The following EEPD1 variants were observed in gnomAD, a reference collection of about 807,000 sequenced individuals.
EEPD1 encodes the protein endonuclease/exonuclease/phosphatase family domain-containing protein 1.
A neutral mutation model predicts 46.3 loss-of-function variants in EEPD1; 17 were observed. That is an observed-to-expected ratio of 0.37 (90% CI 0.25 to 0.55). The LOEUF (loss-of-function observed/expected upper bound fraction) is 0.55. Ranked by LOEUF, EEPD1 falls within the 20% of genes least tolerant of loss-of-function variation. EEPD1 has a pLI of 0.83. For missense variants in EEPD1, 673 were observed against 745.6 expected (o/e 0.90, Z 1.13); for synonymous variants, 313 against 315.6 (o/e 0.99, Z 0.09).
chr7:36,192,049 G>A (rs1172967011), intron 2 of EEPD1, among the ~76,000 whole-genome samples: 1 of 152,214 alleles, frequency 6.6e-6, no homozygotes, highest in Non-Finnish European at 1.5e-5. Context: ...AGGTTAAAAT[G>A]TCTCATCTGT....
At chr7:36,280,227 C>A (rs1378763923) in intron 3 of EEPD1, among the ~76,000 whole-genome samples, 1 of 152,096 alleles carries the variant, frequency 6.6e-6, no homozygotes, top group Non-Finnish European at 1.5e-5. Flanking sequence ...GAGCAGCTGG[C>A]GACGGGTACA....
intron 2 of EEPD1, among the ~76,000 whole-genome samples, chr7:36,233,950 G>A (rs1481479697): frequency 3.3e-5 from 5 of 152,146 alleles, no homozygotes; most frequent in Admixed American, 1.3e-4. Context: ...ACAGAGTCTC[G>A]CTCTGTCACC....
intron 3 of EEPD1, among the ~76,000 whole-genome samples, chr7:36,239,811 T>C (rs1364483215): frequency 6.6e-6 from 1 of 152,290 alleles, no homozygotes; most frequent in African/African-American, 2.4e-5. Context: ...TCCCAGCTGA[T>C]ACCAAGCTCT....
chr7:36,237,443 A>C (rs1003368939), intron 2 of EEPD1, among the ~76,000 whole-genome samples: 1 of 152,072 alleles, frequency 6.6e-6, no homozygotes, highest in Non-Finnish European at 1.5e-5. Flanking sequence ...GCCCTCTAGA[A>C]CTTTTTCTTT....
At chr7:36,239,361 T>G in intron 3 of EEPD1, among the ~76,000 whole-genome samples, 1 of 152,072 alleles carries the variant, frequency 6.6e-6, no homozygotes, top group East Asian at 1.9e-4. Context: ...GCCTCACGCA[T>G]GCCGGAGTCT....
At position 36,154,568 on chromosome 7, in the gene EEPD1, T is replaced by C; in HGVS notation, c.244T>C (p.Leu82=). The C allele has an allele frequency of 6.2e-7, 1 of 1,613,930 alleles. No individual in the cohort carries two copies. Among genetic ancestry groups the C allele is most frequent in the Non-Finnish European group, 8.5e-7 (1 of 1,179,954 alleles). Reference sequence around the variant, plus strand: ...CTTCAAGAAGGTGGAGGACCTGGCATTGGTCAGTGGTGTAGGCGCCACCAA... The same window carrying C: ...CTTCAAGAAGGTGGAGGACCTGGCACTGGTCAGTGGTGTAGGCGCCACCAA... ...GGFKKVEDLA[L]VSGVGATKLE... is the part of the protein sequence containing the mutation. Residue 82 remains leucine (L), a synonymous_variant, in exon 2 of 8, where the codon TTG becomes CTG. Transcript: ENST00000242108. This position sits in a 1 kb window ranked among gnomAD's most constrained non-coding sequence, Gnocchi z 4.2.
chr7:36,245,601 A>C (rs1786628267), intron 3 of EEPD1, among the ~76,000 whole-genome samples: 1 of 152,216 alleles, frequency 6.6e-6, no homozygotes, highest in South Asian at 2.1e-4. Flanking sequence ...ACACAGAGCC[A>C]GTTCCCAGAC....
intron 6 of EEPD1, among the ~76,000 whole-genome samples, chr7:36,288,460 C>T (rs1562713749): frequency 1.3e-5 from 2 of 152,108 alleles, no homozygotes; most frequent in African/African-American, 2.4e-5. Flanking sequence ...TAAGAGAACA[C>T]TGAAAAGAGC....
chr7:36,202,450 G>A (rs1009410142), intron 2 of EEPD1, among the ~76,000 whole-genome samples: 1 of 152,070 alleles, frequency 6.6e-6, no homozygotes, highest in Non-Finnish European at 1.5e-5. Flanking sequence ...GCCTCCACAC[G>A]GTAAACTTTT....
chr7:36,285,795 T>C lies in EEPD1; in HGVS notation c.1176+975T>C, dbSNP rs1467599091. ...CAGGGAGTATCTGCCAGCTGAGGGTTGGGAGCAGCCCCTGTGTTGAGGCTA... is the reference window on the plus strand; with the variant it reads ...CAGGGAGTATCTGCCAGCTGAGGGTCGGGAGCAGCCCCTGTGTTGAGGCTA... On this transcript the variant is annotated intron_variant, in intron 5 of 7. Transcript: ENST00000242108. 2.0e-5 allele frequency among the ~76,000 whole-genome samples: 3 copies of C among 152,188 alleles called. No homozygotes were observed. The East Asian group carries it at 5.8e-4, about 29-fold the overall frequency.
chr7:36,198,342 G>GAAAAAAAAAAAAAAAAAAAAAAAAA (rs1361024411), intron 2 of EEPD1, among the ~76,000 whole-genome samples: 2 of 33,100 alleles, frequency 6.0e-5, no homozygotes, highest in African/African-American at 1.2e-4. Flanking sequence ...AAAAAGAAAA[G>GAAAAAAAAAAAAAAAAAAAAAAAAA]AAAAAAAAAA....
At chr7:36,183,985 CTT>C (rs367901164) in intron 2 of EEPD1, among the ~76,000 whole-genome samples, 149 of 151,438 alleles carry the variant, frequency 9.8e-4, no homozygotes, top group African/African-American at 3.6e-3. Flanking sequence ...AAGGAGCAAA[CTT>C]TGTATCTTAG....
intron 5 of EEPD1, among the ~76,000 whole-genome samples, chr7:36,286,173 T>C (rs558191605): frequency 1.3e-5 from 2 of 152,228 alleles, no homozygotes; most frequent in East Asian, 1.9e-4. Flanking sequence ...AATGAGAAAA[T>C]GCTGGTTAGC....
chr7:36,285,590 T>C (rs748659548), intron 5 of EEPD1, among the ~76,000 whole-genome samples: 16 of 152,144 alleles, frequency 1.1e-4, no homozygotes, highest in South Asian at 2.1e-4. Context: ...AAGCAGGTCA[T>C]GAAGTTGGCA....
At chr7:36,167,116 T>TA (rs1168766177) in intron 2 of EEPD1, among the ~76,000 whole-genome samples, 1 of 152,220 alleles carries the variant, frequency 6.6e-6, no homozygotes, top group Non-Finnish European at 1.5e-5. Flanking sequence ...TCACCAGTCA[T>TA]ATCAGATTAG....
At chr7:36,221,065 T>C (rs1786137453) in intron 2 of EEPD1, among the ~76,000 whole-genome samples, 1 of 152,228 alleles carries the variant, frequency 6.6e-6, no homozygotes, top group Non-Finnish European at 1.5e-5. Context: ...TGCCTCAGCG[T>C]CCCAAAGTGT....
intron 2 of EEPD1, among the ~76,000 whole-genome samples, chr7:36,232,350 G>A (rs532179195): frequency 1.4e-4 from 22 of 151,806 alleles, no homozygotes; most frequent in Non-Finnish European, 2.4e-4. Context: ...GACTGCAGGC[G>A]CCCACCACCA....
At position 36,154,396 on chromosome 7, in the gene EEPD1, C is replaced by T. The variant is rs1784779521; in HGVS notation, c.72C>T (p.Phe24=). 1 of 1,614,104 alleles carries T rather than the reference C, an allele frequency of 6.2e-7. No individual in the cohort carries two copies. The highest frequency in any genetic ancestry group is 8.5e-7 in the Non-Finnish European group (1 of 1,180,042). Residue 24 remains phenylalanine (F), a synonymous_variant, in exon 2 of 8, where the codon TTC becomes TTT. Transcript: ENST00000242108. The surrounding 1 kb of genome is among the most constrained non-coding windows in gnomAD (Gnocchi z 4.2). ...CGGACCTGTCCCATAGCCGCAAGTT[C>T]AGCGCAGCCTGTAACTTCAGCAACA... ...DPSDLSHSRK[F]SAACNFSNIL... is the part of the protein sequence containing the mutation.
intron 2 of EEPD1, among the ~76,000 whole-genome samples, chr7:36,207,262 G>A (rs1375972667): frequency 2.0e-5 from 3 of 152,102 alleles, no homozygotes; most frequent in Non-Finnish European, 2.9e-5. Flanking sequence ...AGTGCAGCTC[G>A]GCAACACATG....
Sources: allele counts gnomAD v4.1 joint callset (sites outside exome capture counted in the v4.1 genomes callset), GRCh38; gene constraint gnomAD v4.1.1; non-coding constraint Gnocchi (gnomAD v3.1); transcripts MANE v1.5; gene names NCBI Gene and HGNC (gene_info 2026-07-23, HGNC 2026-07-21).